Variants in DCC observed in about 807,000 individuals in gnomAD.
DCC encodes the protein DCC netrin 1 receptor, also known as netrin receptor DCC.
A neutral mutation model predicts 172.5 loss-of-function variants in DCC; 58 were observed. The observed-to-expected ratio is 0.34, with a 90% CI of 0.27 to 0.42. The LOEUF (loss-of-function observed/expected upper bound fraction) is 0.42, where lower values mean the gene tolerates loss of function less well. Ranked by LOEUF, DCC falls within the 10% of genes least tolerant of loss-of-function variation. The pLI is 1.00. For missense variants in DCC, 1,740 were observed against 1,791.0 expected, an observed-to-expected ratio of 0.97 and a Z score of 0.51; for synonymous variants, 709 against 644.5, an observed-to-expected ratio of 1.10 and a Z score of -1.52.
chr18:53,019,582 C>T (rs2041852003), intron 5 of DCC, among the ~76,000 whole-genome samples: 1 of 152,098 alleles, frequency 6.6e-6, no homozygotes, highest in Admixed American at 6.5e-5. Context: ...TTCCCACTTC[C>T]TTTTCATAAA....
chr18:53,150,172 C>A (rs1347183028), intron 7 of DCC, among the ~76,000 whole-genome samples: 1 of 152,192 alleles, frequency 6.6e-6, no homozygotes, highest in Non-Finnish European at 1.5e-5. Context: ...GTTCTCACCC[C>A]AAACCTGCAT....
chr18:52,898,787 A>G (rs1006754803), intron 2 of DCC, among the ~76,000 whole-genome samples: 1 of 152,140 alleles, frequency 6.6e-6, no homozygotes, highest in South Asian at 2.1e-4. Context: ...GCCTGGTGAC[A>G]GCAAATATTT....
At chr18:52,387,433 G>A (rs751471506) in intron 1 of DCC, among the ~76,000 whole-genome samples, 2 of 152,096 alleles carry the variant, frequency 1.3e-5, no homozygotes. Context: ...TTGTTTTCAC[G>A]TGTATTGAAG....
chr18:53,493,726 T>C lies in DCC; in HGVS notation c.3899-5572T>C, dbSNP rs374179902. ...TTCAAAAAACCAGCTCCTTGATTCA[T>C]TGATTTTTTGAAGGGTTTTTCCTGT... On this transcript the variant is annotated intron_variant, in intron 26 of 28. Coordinates refer to ENST00000442544, the MANE Select transcript of DCC (RefSeq NM_005215.4). Among the ~76,000 whole-genome samples the C allele has an allele frequency of 2.6e-5, 4 of 152,308 alleles. No homozygotes were observed. The South Asian group carries it at 6.2e-4, about 24-fold the overall frequency.
At chr18:53,222,677 C>T (rs989591676) in intron 12 of DCC, among the ~76,000 whole-genome samples, 3 of 151,984 alleles carry the variant, frequency 2.0e-5, no homozygotes, top group Non-Finnish European at 4.4e-5. Flanking sequence ...TGAACCACCA[C>T]GCCCGGCCTA....
At chr18:52,432,125 G>A (rs1987644792) in intron 1 of DCC, among the ~76,000 whole-genome samples, 1 of 152,124 alleles carries the variant, frequency 6.6e-6, no homozygotes, top group Non-Finnish European at 1.5e-5. Context: ...TGAAATCACT[G>A]CTGCTCCTTT....
intron 5 of DCC, among the ~76,000 whole-genome samples, chr18:53,048,220 G>T (rs769030525): frequency 3.3e-5 from 5 of 151,548 alleles, no homozygotes; most frequent in African/African-American, 7.2e-5. Flanking sequence ...CATCACCCAG[G>T]TTATAAGGAC....
At chr18:53,228,359 T>C (rs2056068108) in intron 12 of DCC, among the ~76,000 whole-genome samples, 1 of 152,198 alleles carries the variant, frequency 6.6e-6, no homozygotes, top group South Asian at 2.1e-4. Context: ...GTTACAATCT[T>C]GGATTATTTC....
At chr18:52,922,303 C>CTT (rs2040138717) in intron 3 of DCC, among the ~76,000 whole-genome samples, 1 of 152,102 alleles carries the variant, frequency 6.6e-6, no homozygotes, top group African/African-American at 2.4e-5. Context: ...CAACTACTAG[C>CTT]TTGAGAACTG....
intron 12 of DCC, among the ~76,000 whole-genome samples, chr18:53,227,566 T>C (rs1389101273): frequency 2.0e-5 from 3 of 152,204 alleles, no homozygotes; most frequent in Non-Finnish European, 1.5e-5. Context: ...ATAAAGTGTA[T>C]GTTGCATACA....
chr18:52,876,211 G>A (rs1042017173), intron 2 of DCC, among the ~76,000 whole-genome samples: 1 of 152,022 alleles, frequency 6.6e-6, no homozygotes, highest in Non-Finnish European at 1.5e-5. Context: ...ATCCAAAGTT[G>A]GTGGCCACTT....
intron 27 of DCC, among the ~76,000 whole-genome samples, chr18:53,525,156 A>G (rs1031905487): frequency 6.6e-6 from 1 of 152,056 alleles, no homozygotes; most frequent in Non-Finnish European, 1.5e-5. Context: ...TTGCAGATGA[A>G]AAACAGGCCA....
At chr18:53,020,242 C>T (rs1258985765) in intron 5 of DCC, among the ~76,000 whole-genome samples, 3 of 152,096 alleles carry the variant, frequency 2.0e-5, no homozygotes, top group African/African-American at 7.2e-5. Flanking sequence ...ATGCCCAAAA[C>T]ATACTTTTGG....
intron 1 of DCC, among the ~76,000 whole-genome samples, chr18:52,343,800 A>G (rs1983760476): frequency 6.6e-6 from 1 of 152,212 alleles, no homozygotes; most frequent in Non-Finnish European, 1.5e-5. Flanking sequence ...CGCCCTCCCT[A>G]GGCGACCTCT....
At chr18:53,137,078 C>T (rs936681499) in intron 7 of DCC, among the ~76,000 whole-genome samples, 1 of 152,214 alleles carries the variant, frequency 6.6e-6, no homozygotes, top group South Asian at 2.1e-4. Context: ...TATTGACCTA[C>T]ATGATAGACT....
At chr18:52,612,503 A>G (rs1212776203) in intron 1 of DCC, among the ~76,000 whole-genome samples, 1 of 151,158 alleles carries the variant, frequency 6.6e-6, no homozygotes, top group Non-Finnish European at 1.5e-5. Flanking sequence ...TCTGCTTAAA[A>G]CCCTTCACTA....
intron 19 of DCC, among the ~76,000 whole-genome samples, chr18:53,404,175 A>T (rs898442585): frequency 6.6e-6 from 1 of 152,052 alleles, no homozygotes; most frequent in Admixed American, 6.5e-5. Flanking sequence ...TCAATTATTT[A>T]TAAGCTTATG....
chr18:52,752,290 C>G lies in DCC; in HGVS notation c.328C>G (p.Pro110Ala), dbSNP rs1003873682. 4 of 1,614,106 alleles carry G rather than the reference C, an allele frequency of 2.5e-6. No homozygotes were observed. The Admixed American group carries it at 5.0e-5, about 20-fold the overall frequency. Residue 110 changes from proline to alanine, a missense_variant, in exon 2 of 29, where the codon CCA becomes GCA. Physicochemically the swap from Pro to Ala is conservative, Grantham distance 27. This residue lies in a region of DCC where 1,732 missense variants were observed against 1,767.4 expected (regional missense o/e 0.98). Transcript: ENST00000442544. The stretch of plus-strand genomic sequence containing the variant: ...CATACTTCATTCCAGACACCACAAG[C>G]CAGATGAGGGACTTTACCAATGTGA... ...QNILHSRHHK[P>A]DEGLYQCEAS... is the part of the protein sequence containing the mutation.
At chr18:53,173,176 T>C (rs903547789) in intron 8 of DCC, among the ~76,000 whole-genome samples, 1 of 152,128 alleles carries the variant, frequency 6.6e-6, no homozygotes, top group African/African-American at 2.4e-5. Context: ...TATAGCAGTG[T>C]GGTATGTGGC....
Sources: allele counts gnomAD v4.1 joint callset (sites outside exome capture counted in the v4.1 genomes callset), GRCh38; gene constraint gnomAD v4.1.1; regional missense constraint gnomAD v4.1.1; transcripts MANE v1.5; gene names NCBI Gene and HGNC (gene_info 2026-07-23, HGNC 2026-07-21).